The following DMD variants were observed in gnomAD, a reference collection of about 807,000 sequenced individuals.
DMD encodes dystrophin.
In DMD, 63 loss-of-function variants were observed where a neutral mutation model predicts 330.1. The ratio of observed to expected loss-of-function variants is 0.19; its 90% CI spans 0.16 to 0.24. The LOEUF (loss-of-function observed/expected upper bound fraction) is 0.24. Among genes scored for constraint, DMD ranks in the 10% least tolerant of loss-of-function variants. DMD has a pLI of 1.00. For synonymous variants in DMD, 1,223 were observed against 959.8 expected (o/e 1.27, Z -5.07); for missense variants, 3,344 against 2,684.1 (o/e 1.25, Z -5.43).
intron 4 of DMD, among the ~76,000 whole-genome samples, chrX:32,831,584 C>G (rs2148898375): frequency 9.3e-6 from 1 of 107,285 alleles, no homozygotes; most frequent in South Asian, 4.1e-4. Context: ...TAGGGCAGAG[C>G]AGAAGGAGAG....
At chrX:31,442,019 A>G (rs990677484) in intron 60 of DMD, among the ~76,000 whole-genome samples, 1 of 112,278 alleles carries the variant, frequency 8.9e-6, no homozygotes, top group Non-Finnish European at 1.9e-5. Flanking sequence ...TATAGAGCAG[A>G]CACCACAAAC....
rs1004148586 is a variant in DMD, at chrX:32,705,715, G to A, written c.650-6422C>T. Reference sequence around the variant, plus strand: ...GTTGTTTCCTGACTTTTTAATGATCGCCATTCTAACTGGTGTGAGATGGTA... The same window carrying A: ...GTTGTTTCCTGACTTTTTAATGATCACCATTCTAACTGGTGTGAGATGGTA... On this transcript the variant is annotated intron_variant, in intron 7 of 78. Coordinates refer to ENST00000357033, the MANE Select transcript of DMD (RefSeq NM_004006.3). 3.6e-5 allele frequency among the ~76,000 whole-genome samples: 4 copies of A among 111,711 alleles called. No homozygotes were observed. The South Asian group carries it at 1.5e-3, about 42-fold the overall frequency.
At chrX:32,668,627 A>T (rs772826190) in intron 9 of DMD, among the ~76,000 whole-genome samples, 1 of 111,916 alleles carries the variant, frequency 8.9e-6, no homozygotes, top group South Asian at 3.7e-4. Flanking sequence ...GTTTTAAAAC[A>T]AAATGCCGCC....
intron 50 of DMD, among the ~76,000 whole-genome samples, chrX:31,814,624 C>G (rs1414694933): frequency 9.2e-6 from 1 of 108,947 alleles, no homozygotes; most frequent in Admixed American, 9.8e-5. Context: ...GGAGTCTTCA[C>G]ATTAAGCATG....
chrX:32,877,268 A>G, intron 2 of DMD, among the ~76,000 whole-genome samples: 1 of 112,422 alleles, frequency 8.9e-6, no homozygotes, highest in Non-Finnish European at 1.9e-5. Context: ...CTTGTCCAAG[A>G]GCCCTGTGGT....
intron 1 of DMD, among the ~76,000 whole-genome samples, chrX:33,055,871 A>G (rs944445340): frequency 1.8e-5 from 2 of 111,252 alleles, no homozygotes; most frequent in East Asian, 5.6e-4. Flanking sequence ...AGCAGTAACA[A>G]TAGCTCTTTT....
chrX:33,195,935 A>G (rs2050908869), intron 1 of DMD, among the ~76,000 whole-genome samples: 1 of 111,655 alleles, frequency 9.0e-6, no homozygotes, highest in Admixed American at 9.6e-5. Flanking sequence ...CACATATAAT[A>G]AGCACAGGCT....
chrX:31,744,679 G>A (rs183063394), intron 51 of DMD, among the ~76,000 whole-genome samples: 1 of 112,074 alleles, frequency 8.9e-6, no homozygotes, highest in East Asian at 2.8e-4. Context: ...AACTATTTGA[G>A]GGCATTATTT....
At chrX:32,767,234 C>T (rs934908458) in intron 7 of DMD, among the ~76,000 whole-genome samples, 3 of 111,221 alleles carry the variant, frequency 2.7e-5, no homozygotes, top group Non-Finnish European at 3.8e-5. Context: ...TTAAAGGGAA[C>T]CCTGGTGTAA....
At chrX:31,759,036 G>A (rs188334132) in intron 51 of DMD, among the ~76,000 whole-genome samples, 53 of 111,781 alleles carry the variant, frequency 4.7e-4, no homozygotes, top group African/African-American at 1.7e-3. Context: ...TAATAGAATA[G>A]ATCCTAAAAT....
intron 7 of DMD, among the ~76,000 whole-genome samples, chrX:32,757,916 T>A (rs1177887531): frequency 6.3e-5 from 7 of 111,341 alleles, no homozygotes; most frequent in African/African-American, 2.3e-4. Context: ...TGTTAGAGGG[T>A]TAACACCCTT....
chrX:32,202,900 C>A (rs886570686), intron 44 of DMD, among the ~76,000 whole-genome samples: 6 of 112,141 alleles, frequency 5.4e-5, no homozygotes, highest in Non-Finnish European at 1.1e-4. Context: ...AAGTATACAG[C>A]AAACCGTAAG....
At chrX:32,802,256 A>G (rs1246269993) in intron 7 of DMD, among the ~76,000 whole-genome samples, 1 of 111,499 alleles carries the variant, frequency 9.0e-6, no homozygotes, top group Non-Finnish European at 1.9e-5. Context: ...TAGGAATTCT[A>G]TTCTCCTTGT....
chrX:31,814,376 G>C (rs2092553898), intron 50 of DMD, among the ~76,000 whole-genome samples: 3 of 104,930 alleles, frequency 2.9e-5, no homozygotes, highest in Admixed American at 1.0e-4. Context: ...CCAGCTACGG[G>C]GGAGGCTGAG....
intron 60 of DMD, among the ~76,000 whole-genome samples, chrX:31,393,553 G>T (rs1028015193): frequency 1.9e-5 from 2 of 108,071 alleles, no homozygotes; most frequent in South Asian, 8.2e-4. Flanking sequence ...ATGGTGTGAT[G>T]AGCATTCACA....
Position 31,951,871 on chromosome X carries a change from G to GT in DMD, c.6614+16467dup, listed in dbSNP as rs200216171. ...TTTTCAGCCTGAATGACTTTATTTAGTTTTTTCTTGTAAGTCAGGTCAGCT... is the reference window on the plus strand; with the variant it reads ...TTTTCAGCCTGAATGACTTTATTTAGTTTTTTTCTTGTAAGTCAGGTCAGCT... On this transcript the variant is annotated intron_variant, in intron 45 of 78. Coordinates refer to ENST00000357033, the MANE Select transcript of DMD (RefSeq NM_004006.3). Among the ~76,000 whole-genome samples the GT allele has an allele frequency of 6.5e-3, 720 of 111,317 alleles. 8 individuals are homozygous for GT. Among genetic ancestry groups the GT allele is most frequent in the African/African-American group, 0.022 (666 of 30,778 alleles).
intron 47 of DMD, 141 bp from the exon 48 acceptor site, chrX:31,875,514 G>A: frequency 4.1e-6 from 2 of 482,421 alleles, no homozygotes; most frequent in East Asian, 7.9e-5. Context: ...GCATAATATT[G>A]ATTATTTACA....
chrX:32,735,159 T>C (rs1386599156), intron 7 of DMD, among the ~76,000 whole-genome samples: 2 of 108,006 alleles, frequency 1.9e-5, no homozygotes, highest in Admixed American at 2.0e-4. Flanking sequence ...TGAACTCCCA[T>C]TCACAATTGC....
chrX:33,124,337 G>A (rs1353661636), intron 1 of DMD, among the ~76,000 whole-genome samples: 8 of 107,045 alleles, frequency 7.5e-5, no homozygotes, highest in African/African-American at 2.0e-4. Flanking sequence ...TTAGCTGGGC[G>A]TGGTGGCAGG....
Sources: gnomAD v4.1 joint callset for allele counts (sites outside exome capture counted in the v4.1 genomes callset) on GRCh38, gnomAD v4.1.1 for gene constraint, MANE v1.5 for transcripts, NCBI Gene and HGNC (gene_info 2026-07-23, HGNC 2026-07-21) for gene names.